C1S: variants seen among roughly 807,000 people sequenced by gnomAD.
C1S encodes the protein complement C1s subcomponent.
In C1S, 31 loss-of-function variants were observed where a neutral mutation model predicts 54.0. The observed-to-expected ratio is 0.57, with a 90% CI of 0.43 to 0.78. C1S has a LOEUF of 0.78. Ranked by LOEUF, C1S falls within the 30% of genes least tolerant of loss-of-function variation. The pLI is 0.00. For synonymous variants in C1S, 292 were observed against 303.6 expected, an observed-to-expected ratio of 0.96 and a Z score of 0.40; for missense variants, 727 against 851.8, an observed-to-expected ratio of 0.85 and a Z score of 1.82.
chr12:7,066,886 C>T, intron 8 of C1S, 153 bp from the exon 9 acceptor site: 2 of 723,558 alleles, frequency 2.8e-6, no homozygotes, highest in Non-Finnish European at 5.1e-6. Context: ...CTGTCAGCCT[C>T]ATCTCCTGGG....
intron 3 of C1S, 32 bp from the exon 4 acceptor site, chr12:7,062,858 C>T: frequency 1.2e-6 from 2 of 1,609,166 alleles, no homozygotes; most frequent in East Asian, 2.2e-5. Flanking sequence ...ATTACCCTTT[C>T]CTAGATTTTT....
In C1S at chr12:7,062,625, C is replaced by G; in HGVS notation, c.156C>G (p.Leu52=). 5 of 1,614,164 alleles carry G rather than the reference C, an allele frequency of 3.1e-6. No homozygotes were observed. The highest frequency in any genetic ancestry group is 4.2e-6 in the Non-Finnish European group (5 of 1,180,006). ...IEVPEGYGIH[L]YFTHLDIELS... ...TTCCTGAAGGGTATGGGATTCACCT[C>G]TACTTCACCCATCTGGACATTGAGC... Residue 52 remains leucine, a synonymous_variant, in exon 3 of 12, where the codon CTC becomes CTG. Transcript: ENST00000360817.
rs375077429 is a variant in C1S, at chr12:7,069,972, C to T, written c.1388C>T (p.Ala463Val). ...TTTGACAACCCATGGGCTGGTGGAG[C>T]GCTCATTAATGAGTACTGGGTGCTG... is the stretch of plus-strand genomic sequence containing the variant. ...VFFDNPWAGG[A>V]LINEYWVLTA... The change falls in exon 12 of 12, where the codon GCG (alanine) becomes GTG (valine). Residue 463 changes from alanine to valine, a missense_variant. This residue lies in a region of C1S where 360 missense variants were observed against 453.6 expected (regional missense o/e 0.79). Coordinates refer to ENST00000360817, the MANE Select transcript of C1S (RefSeq NM_001734.5). 11 of 1,614,116 alleles carry T rather than the reference C, an allele frequency of 6.8e-6. No individual in the cohort carries two copies. The highest frequency in any genetic ancestry group is 4.4e-5 in the South Asian group (4 of 91,076).
At chr12:7,068,863 A>G in intron 11 of C1S, 1 of 349,184 alleles carries the variant, frequency 2.9e-6, no homozygotes, top group East Asian at 5.3e-5. Context: ...AAACAAGTCT[A>G]GCTAAATAGC....
chr12:7,062,906 C>T lies in C1S; in HGVS notation c.230C>T (p.Thr77Ile). The change falls in exon 4 of 12, where the codon ACT becomes ATT. Residue 77 changes from threonine (T) to isoleucine (I), a missense_variant. By Grantham distance (89) the Thr-to-Ile change is moderately conservative (BLOSUM62 -1). Transcript: ENST00000360817. ...TTCTCTTAGATAATCTCAGGAGACA[C>T]TGAAGAAGGGAGGCTCTGTGGACAG... ...YDSVQIISGD[T>I]EEGRLCGQRS... The T allele has an allele frequency of 6.2e-7, 1 of 1,613,926 alleles. No homozygotes were observed. Among genetic ancestry groups the T allele is most frequent in the Non-Finnish European group, 8.5e-7 (1 of 1,179,958 alleles).
At chr12:7,066,117 C>CCA (rs1947173546) in intron 7 of C1S, 147 bp downstream of exon 7, 1 of 767,294 alleles carries the variant, frequency 1.3e-6, no homozygotes, top group Admixed American at 2.0e-5. Context: ...TCCCTTGAGC[C>CCA]CAGGAAGTAG....
intron 5 of C1S, 57 bp from the exon 6 acceptor site, chr12:7,065,043 A>C: frequency 7.3e-7 from 1 of 1,364,014 alleles, no homozygotes; most frequent in Non-Finnish European, 1.0e-6. Flanking sequence ...AGAATAGTGC[A>C]GGAATTCCTT....
At position 7,065,224 on chromosome 12, in the gene C1S, G is replaced by T. The variant is rs1947156726; in HGVS notation, c.642G>T (p.Val214=). Residue 214 remains valine, a synonymous_variant, in exon 6 of 12, where the codon GTG becomes GTT. Transcript: ENST00000360817. ...TCCGGTTGGAGAAAGGGTTCCAAGT[G>T]GTGGTGACCTTGCGGAGAGAAGATT... ...YQIRLEKGFQ[V]VVTLRREDFD... 6.2e-7 allele frequency: 1 copy of T among 1,614,126 alleles called. No individual in the cohort carries two copies. Among genetic ancestry groups the T allele is most frequent in the Non-Finnish European group, 8.5e-7 (1 of 1,179,960 alleles).
intron 6 of C1S, 65 bp downstream of exon 6, chr12:7,065,364 AT>A (rs200668320): frequency 9.3e-5 from 120 of 1,289,780 alleles, no homozygotes; most frequent in Non-Finnish European, 1.2e-4. Flanking sequence ...CTGAAGACAA[AT>A]TTTTTTTTCA....
At position 7,063,056 on chromosome 12, in the gene C1S, A is replaced by G. The variant is rs908048888; in HGVS notation, c.380A>G (p.Tyr127Cys). Reference sequence around the variant, plus strand: ...CGTTTTACGGGGTTTGCTGCATACTATGTTGCCACAGGTAAGGCTCACCCT... The same window carrying G: ...CGTTTTACGGGGTTTGCTGCATACTGTGTTGCCACAGGTAAGGCTCACCCT... The part of the protein sequence containing the change: ...EERFTGFAAY[Y>C]VATDINECTD... The change falls in exon 4 of 12, where the codon TAT (tyrosine) becomes TGT (cysteine). Residue 127 changes from tyrosine to cysteine, a missense_variant. Physicochemically the swap from Tyr to Cys is radical, Grantham distance 194. Around this residue, in one of 3 missense-constraint regions of C1S, gnomAD observed 357 missense variants for 365.4 expected, o/e 0.98. Transcript: ENST00000360817. 3.1e-6 allele frequency: 5 copies of G among 1,613,238 alleles called. No homozygotes were observed. Among genetic ancestry groups the G allele is most frequent in the Non-Finnish European group, 3.4e-6 (4 of 1,179,992 alleles).
chr12:7,064,170 C>T (rs782392311), intron 4 of C1S, 97 bp from the exon 5 acceptor site: 3 of 1,276,332 alleles, frequency 2.4e-6, no homozygotes, highest in Non-Finnish European at 3.4e-6. Context: ...AGCAATAGGC[C>T]TTTCCTACTT....
At chr12:7,064,047 C>CACACA (rs782576639) in intron 4 of C1S, 9 of 602,918 alleles carry the variant, frequency 1.5e-5, no homozygotes, top group Non-Finnish European at 1.9e-5. Context: ...CACACACACA[C>CACACA]CCCCGAGCTT....
In C1S at chr12:7,070,408, G is replaced by C. The variant is rs138087323; in HGVS notation, c.1824G>C (p.Glu608Asp). Residue 608 changes from glutamate (E) to aspartate (D), a missense_variant, in exon 12 of 12, where the codon GAG (glutamate) becomes GAC (aspartate). Physicochemically the swap from Glu to Asp is conservative, Grantham distance 45. This residue lies in a region of C1S where 360 missense variants were observed against 453.6 expected (regional missense o/e 0.79). Coordinates refer to ENST00000360817, the MANE Select transcript of C1S (RefSeq NM_001734.5). This position sits in a 1 kb window ranked among gnomAD's most constrained non-coding sequence, Gnocchi z 4.9. ...TGGAGAAACCCACAGCAGATGCAGA[G>C]GCCTATGTTTTCACTCCTAACATGA... ...VKVEKPTADAEAYVFTPNMIC... is the reference protein window; with the variant it reads ...VKVEKPTADADAYVFTPNMIC... The C allele has an allele frequency of 6.7e-5, 108 of 1,614,112 alleles. No individual in the cohort carries two copies. Among genetic ancestry groups the C allele is most frequent in the Admixed American group, 3.8e-4 (23 of 60,014 alleles).
rs1555162377 is a variant in C1S, at chr12:7,067,030, A to T, written c.988-9A>T. The T allele has an allele frequency of 6.2e-7, 1 of 1,601,458 alleles. No individual in the cohort carries two copies. Among genetic ancestry groups the T allele is most frequent in the East Asian group, 2.2e-5 (1 of 44,828 alleles). The stretch of plus-strand genomic sequence containing the variant: ...TCAGAAATAAGTGGTGATGTTTATT[A>T]TTCTCCAGGGACGTGTTGGTGCAAC... On this transcript the variant is annotated splice_polypyrimidine_tract_variant and intron_variant, in intron 8 of 11. Transcript: ENST00000360817.
rs1405003895 is a variant in C1S at position 7,065,581 on chromosome 12, G to C, written c.718-236G>C. 1.8e-5 allele frequency: 11 copies of C among 615,592 alleles called. No homozygotes were observed. The African/African-American group carries it at 2.0e-4, about 11-fold the overall frequency. 38.1% of individuals were successfully genotyped at this position (615,592 alleles called of 1,614,324 possible). A position where few individuals can be genotyped will look rare whatever the true frequency, so the allele number is the denominator to read the frequency against. On this transcript the variant is annotated intron_variant, in intron 6 of 11. Transcript: ENST00000360817. ...GATGGGGTTTTGCTATGTTGCTCAG[G>C]ATAGCCTGAAACTCCTAGCCTCAAG...
intron 2 of C1S, chr12:7,062,270 C>CAAAA (rs373096669): frequency 0.012 from 5,334 of 440,928 alleles, 3 homozygotes; most frequent in African/African-American, 0.018. Context: ...GAACCTGTCT[C>CAAAA]AAAAAAAAAA....
At chr12:7,061,362 G>A (rs1246563977) in intron 1 of C1S, 1 of 186,756 alleles carries the variant, frequency 5.4e-6, no homozygotes, top group African/African-American at 2.3e-5. Context: ...CATCAGCGGA[G>A]ATGCACGCAA....
At chr12:7,061,604 T>G in intron 1 of C1S, 1 of 459,166 alleles carries the variant, frequency 2.2e-6, no homozygotes, top group Non-Finnish European at 4.0e-6. Context: ...TGGAGAAAAA[T>G]TAGGAGAAAG....
intron 4 of C1S, chr12:7,063,767 G>A (rs1591576339): frequency 2.8e-6 from 1 of 352,790 alleles, no homozygotes; most frequent in East Asian, 7.4e-5. Flanking sequence ...GCTCACACCT[G>A]TAATCCCAGC....
Sources: allele counts gnomAD v4.1 joint callset, GRCh38; gene constraint gnomAD v4.1.1; regional missense constraint gnomAD v4.1.1; non-coding constraint Gnocchi (gnomAD v3.1); transcripts MANE v1.5; gene names NCBI Gene and HGNC (gene_info 2026-07-23, HGNC 2026-07-21).